Variants in GPC5 observed in about 807,000 individuals in gnomAD.
The protein encoded by GPC5 is glypican-5.
In GPC5, 47 loss-of-function variants were observed where a neutral mutation model predicts 53.9. That is an observed-to-expected ratio of 0.87 (90% CI 0.69 to 1.11). The LOEUF (loss-of-function observed/expected upper bound fraction) is 1.11, where lower values mean the gene tolerates loss of function less well. Among genes scored for constraint, GPC5 ranks in the 50% most tolerant of loss-of-function variants. The probability of loss-of-function intolerance (pLI) is 0.00; values close to 1 mark genes in which losing one functional copy is unlikely to be tolerated. For missense variants in GPC5, 748 were observed against 713.1 expected (o/e 1.05, Z -0.56); for synonymous variants, 286 against 263.3 (o/e 1.09, Z -0.84).
Position 91,425,442 on chromosome 13 carries a change from A to G in GPC5, c.164-23319A>G, listed in dbSNP as rs190608411. Among the ~76,000 whole-genome samples, 9 of 152,228 alleles carry G rather than the reference A, an allele frequency of 5.9e-5. No individual in the cohort carries two copies. The East Asian group carries it at 1.5e-3, about 26-fold the overall frequency. ...TGGGAAGTGATTGGATCATGGGAGC[A>G]GTTTCCCCCATGCTCTTCTCATGAT... On this transcript the variant is annotated intron_variant, in intron 1 of 7. Coordinates refer to ENST00000377067, the MANE Select transcript of GPC5 (RefSeq NM_004466.6).
chr13:91,474,736 C>A lies in GPC5; in HGVS notation c.325+25814C>A, dbSNP rs1245229971. On this transcript the variant is annotated intron_variant, in intron 2 of 7. Coordinates refer to ENST00000377067, the MANE Select transcript of GPC5 (RefSeq NM_004466.6). ...TATTAGTGGGGCCAGTTTTCAGAGG[C>A]TACCTCAAATATAGTTGATGAAAAA... Among the ~76,000 whole-genome samples, 8 of 152,026 alleles carry A rather than the reference C, an allele frequency of 5.3e-5. No individual in the cohort carries two copies. In the East Asian group the frequency reaches 1.3e-3, roughly 26 times the overall value.
intron 7 of GPC5, among the ~76,000 whole-genome samples, chr13:92,384,093 A>G (rs991756950): frequency 1.3e-4 from 20 of 150,556 alleles, no homozygotes; most frequent in African/African-American, 4.9e-5. Flanking sequence ...AAAGATTGGC[A>G]TATTAAGATA....
chr13:92,478,614 T>C (rs1879236262), intron 7 of GPC5, among the ~76,000 whole-genome samples: 1 of 152,174 alleles, frequency 6.6e-6, no homozygotes, highest in Non-Finnish European at 1.5e-5. Context: ...TGTAAATCTA[T>C]ATCAGTTCAG....
chr13:92,381,889 T>TCATATAATCATATATATGA (rs753025655), intron 7 of GPC5, among the ~76,000 whole-genome samples: 1 of 122,178 alleles, frequency 8.2e-6, no homozygotes, highest in African/African-American at 3.1e-5. Context: ...ATTATATATA[T>TCATATAATCATATATATGA]TATATATAAT....
chr13:91,827,367 A>C (rs1200640866), intron 5 of GPC5, among the ~76,000 whole-genome samples: 4 of 142,232 alleles, frequency 2.8e-5, no homozygotes, highest in Non-Finnish European at 6.5e-5. Flanking sequence ...TCATGAAAAG[A>C]CACTTATAAT....
chr13:91,728,596 A>G lies in GPC5; in HGVS notation c.1085A>G (p.Gln362Arg), dbSNP rs764522585. Residue 362 changes from glutamine to arginine, a missense_variant, in exon 4 of 8, where the codon CAG (glutamine) becomes CGG (arginine). Coordinates refer to ENST00000377067, the MANE Select transcript of GPC5 (RefSeq NM_004466.6). ...CAAAGCCCCCGTTGTTCTTTTGATC[A>G]GAGCAAAGAGAAGCATGGAATGAAG... ...PTQSPRCSFDQSKEKHGMKTT... is the reference protein window; with the variant it reads ...PTQSPRCSFDRSKEKHGMKTT... The G allele has an allele frequency of 1.2e-6, 2 of 1,613,380 alleles. No homozygotes were observed. Among genetic ancestry groups the G allele is most frequent in the African/African-American group, 2.7e-5 (2 of 74,898 alleles).
chr13:92,419,419 A>T (rs753999505), intron 7 of GPC5, among the ~76,000 whole-genome samples: 2 of 152,172 alleles, frequency 1.3e-5, no homozygotes, highest in Non-Finnish European at 2.9e-5. Flanking sequence ...GGAAAAGGTA[A>T]ATGACCAGAA....
intron 2 of GPC5, among the ~76,000 whole-genome samples, chr13:91,455,952 T>C (rs925737569): frequency 2.0e-5 from 3 of 152,226 alleles, no homozygotes; most frequent in Non-Finnish European, 4.4e-5. Context: ...TAATTTCAAA[T>C]TGAATGTTGA....
At chr13:91,517,287 C>T (rs970968233) in intron 2 of GPC5, among the ~76,000 whole-genome samples, 2 of 152,212 alleles carry the variant, frequency 1.3e-5, no homozygotes, top group Non-Finnish European at 2.9e-5. Context: ...CAAATCACAT[C>T]TTCAGTGCTT....
At chr13:92,289,092 A>G (rs1275937125) in intron 7 of GPC5, among the ~76,000 whole-genome samples, 1 of 124,020 alleles carries the variant, frequency 8.1e-6, no homozygotes, top group African/African-American at 3.0e-5. Flanking sequence ...AATTACCAAA[A>G]AAAAAAAAGC....
chr13:92,626,956 A>T (rs1885065934), intron 7 of GPC5, among the ~76,000 whole-genome samples: 1 of 152,184 alleles, frequency 6.6e-6, no homozygotes, highest in Non-Finnish European at 1.5e-5. Context: ...ATAACATATT[A>T]TGTTTTCCTC....
Position 92,393,671 on chromosome 13 carries a change from G to A in GPC5, c.1561+248682G>A, listed in dbSNP as rs112506046. Among the ~76,000 whole-genome samples the A allele has an allele frequency of 2.1e-3, 314 of 152,076 alleles. 2 individuals carry two copies. The highest frequency in any genetic ancestry group is 7.3e-3 in the African/African-American group (304 of 41,484). ...ATGAAAGAAAACAAAAAAAACTTACGAACACAAAGAAGGAAACAACAGACA... is the reference window on the plus strand; with the variant it reads ...ATGAAAGAAAACAAAAAAAACTTACAAACACAAAGAAGGAAACAACAGACA... On this transcript the variant is annotated intron_variant, in intron 7 of 7. Coordinates refer to ENST00000377067, the MANE Select transcript of GPC5 (RefSeq NM_004466.6).
chr13:91,921,894 C>G (rs946708303), intron 6 of GPC5, among the ~76,000 whole-genome samples: 12 of 152,020 alleles, frequency 7.9e-5, no homozygotes, highest in African/African-American at 2.7e-4. Context: ...TCTTTTGAGC[C>G]TAGGAGTTCA....
chr13:92,430,708 C>T (rs1413876914), intron 7 of GPC5, among the ~76,000 whole-genome samples: 1 of 152,000 alleles, frequency 6.6e-6, no homozygotes, highest in Non-Finnish European at 1.5e-5. Context: ...TCTTAAAAGC[C>T]TGCTGAACGT....
rs959636862 is a variant in GPC5 at position 92,289,823 on chromosome 13, A to G, written c.1561+144834A>G. Among the ~76,000 whole-genome samples the G allele has an allele frequency of 2.6e-5, 4 of 151,908 alleles. No individual in the cohort carries two copies. In the East Asian group the frequency reaches 7.7e-4, roughly 29 times the overall value. ...AATTCACTCTTCTCTATATATTTTTATATTTTTATTTTATATACATTTTTC... is the reference window on the plus strand; with the variant it reads ...AATTCACTCTTCTCTATATATTTTTGTATTTTTATTTTATATACATTTTTC... On this transcript the variant is annotated intron_variant, in intron 7 of 7. Coordinates refer to ENST00000377067, the MANE Select transcript of GPC5 (RefSeq NM_004466.6).
Position 91,571,904 on chromosome 13 carries a change from T to TGTGTG in GPC5, c.326-121283_326-121282insGTGTG, listed in dbSNP as rs1485058372. 7.0e-3 allele frequency among the ~76,000 whole-genome samples: 442 copies of TGTGTG among 62,720 alleles called. 62 individuals are homozygous for TGTGTG. Among genetic ancestry groups the TGTGTG allele is most frequent in the Non-Finnish European group, 9.8e-3 (333 of 33,828 alleles). The allele number at this position is 62,720 out of a possible 152,430, so 41.1% of individuals were successfully genotyped here. A position where few individuals can be genotyped will look rare whatever the true frequency, so the allele number is the denominator to read the frequency against. On this transcript the variant is annotated intron_variant, in intron 2 of 7. Transcript: ENST00000377067. ...ACATATACGTGTGTATATACACATA[T>TGTGTG]TGTATATATACACATATTGTATATA...
chr13:91,964,955 C>T (rs2139081560), intron 6 of GPC5, among the ~76,000 whole-genome samples: 1 of 151,988 alleles, frequency 6.6e-6, no homozygotes, highest in Non-Finnish European at 1.5e-5. Flanking sequence ...AAGCTGGAAA[C>T]CATCATTCTG....
In GPC5 at chr13:92,488,356, C is replaced by G. The variant is rs151255191; in HGVS notation, c.1561+343367C>G. 2.4e-3 allele frequency among the ~76,000 whole-genome samples: 365 copies of G among 152,236 alleles called. 3 individuals carry two copies. Among genetic ancestry groups the G allele is most frequent in the African/African-American group, 8.2e-3 (339 of 41,534 alleles). On this transcript the variant is annotated intron_variant, in intron 7 of 7. Coordinates refer to ENST00000377067, the MANE Select transcript of GPC5 (RefSeq NM_004466.6). Reference sequence around the variant, plus strand: ...GATGGAATGCTAAGTAGATCCTATCCAATGCTTACTTCAGATCCACTTCAT... The same window carrying G: ...GATGGAATGCTAAGTAGATCCTATCGAATGCTTACTTCAGATCCACTTCAT...
intron 7 of GPC5, among the ~76,000 whole-genome samples, chr13:92,498,051 C>A (rs1450014118): frequency 6.6e-6 from 1 of 152,100 alleles, no homozygotes; most frequent in Non-Finnish European, 1.5e-5. Flanking sequence ...GACAATTTGA[C>A]TTCCTCTCTT....
Sources: gnomAD v4.1 joint callset for allele counts (sites outside exome capture counted in the v4.1 genomes callset) on GRCh38, gnomAD v4.1.1 for gene constraint, MANE v1.5 for transcripts, NCBI Gene and HGNC (gene_info 2026-07-23, HGNC 2026-07-21) for gene names.